E4F1: variants seen among roughly 807,000 people sequenced by gnomAD.
E4F1 encodes the protein E4F transcription factor 1.
E4F1 carries 30 observed loss-of-function variants against 72.9 expected under a neutral mutation model. The observed-to-expected ratio is 0.41, with a 90% CI of 0.31 to 0.56. The LOEUF is 0.56. Ranked by LOEUF, E4F1 falls within the 20% of genes least tolerant of loss-of-function variation. E4F1 has a pLI of 0.25. For missense variants in E4F1, 1,091 were observed against 1,117.5 expected (o/e 0.98, Z 0.34); for synonymous variants, 542 against 478.2 (o/e 1.13, Z -1.74).
chr16:2,223,699 C>T lies in E4F1; in HGVS notation c.86C>T (p.Ala29Val), dbSNP rs560766438. 5 of 1,568,980 alleles carry T rather than the reference C, an allele frequency of 3.2e-6. No individual in the cohort carries two copies. The East Asian group carries it at 7.2e-5, about 23-fold the overall frequency. ...AEAGREAGEG[A>V]VAAVAAALAP... ...GCCGGGCGGGAAGCGGGCGAGGGTG[C>T]AGTTGCGGCGGTGGCGGCGGCCTTG... Residue 29 changes from alanine (A) to valine (V), a missense_variant, in exon 1 of 14, where the codon GCA becomes GTA. Physicochemically the swap from Ala to Val is moderately conservative, Grantham distance 64. Coordinates refer to ENST00000301727, the MANE Select transcript of E4F1 (RefSeq NM_004424.5).
At chr16:2,229,820 G>A (rs1425588700) in intron 3 of E4F1, 145 bp downstream of exon 3, 1 of 798,838 alleles carries the variant, frequency 1.3e-6, no homozygotes, top group Middle Eastern at 2.8e-4. Flanking sequence ...CCTTTCTGCG[G>A]GCACAGCCTG....
At chr16:2,233,837 G>A (rs1167791005) in intron 8 of E4F1, 45 bp from the exon 9 acceptor site, 3 of 1,517,350 alleles carry the variant, frequency 2.0e-6, no homozygotes, top group East Asian at 2.4e-5. Flanking sequence ...TACTGCCAGG[G>A]CACAGCCTGC....
intron 3 of E4F1, 124 bp downstream of exon 3, chr16:2,229,799 C>A: frequency 9.7e-7 from 1 of 1,036,198 alleles, no homozygotes. Context: ...GGGGCCGCGG[C>A]CTCGTGGCAG....
intron 1 of E4F1, among the ~76,000 whole-genome samples, chr16:2,226,879 A>C (rs1269140172): frequency 6.6e-6 from 1 of 152,194 alleles, no homozygotes; most frequent in East Asian, 1.9e-4. Flanking sequence ...TAAAGTCCCA[A>C]GTCAGTGAGC....
intron 8 of E4F1, 71 bp from the exon 9 acceptor site, chr16:2,233,811 A>G: frequency 2.8e-6 from 4 of 1,451,256 alleles, no homozygotes; most frequent in Non-Finnish European, 3.7e-6. Context: ...GGTGGGGCCC[A>G]TGGTTGTGTT....
chr16:2,228,348 C>T, intron 1 of E4F1, 24 bp from the exon 2 acceptor site: 11 of 1,613,390 alleles, frequency 6.8e-6, no homozygotes, highest in Non-Finnish European at 9.3e-6. Context: ...TTCCCAGGCC[C>T]TGCTGACAGC....
intron 7 of E4F1, 43 bp downstream of exon 7, chr16:2,233,226 C>T: frequency 6.4e-7 from 1 of 1,559,332 alleles, no homozygotes; most frequent in East Asian, 2.3e-5. Flanking sequence ...CTGTCTTCTG[C>T]CTGCTCGGTG....
At chr16:2,226,030 T>C (rs2093430463) in intron 1 of E4F1, among the ~76,000 whole-genome samples, 2 of 151,876 alleles carry the variant, frequency 1.3e-5, no homozygotes, top group African/African-American at 2.4e-5. Flanking sequence ...GAGGCAGAGC[T>C]TGCAGTGAGC....
chr16:2,227,879 G>A (rs1427802928), intron 1 of E4F1, among the ~76,000 whole-genome samples: 6 of 142,316 alleles, frequency 4.2e-5, no homozygotes, highest in Middle Eastern at 3.5e-3. Flanking sequence ...GACCAGGCTC[G>A]TCTTGAACTC....
At chr16:2,228,216 T>G in intron 1 of E4F1, 156 bp from the exon 2 acceptor site, 1 of 999,922 alleles carries the variant, frequency 1.0e-6, no homozygotes, top group East Asian at 2.6e-5. Context: ...TGACCTTGTT[T>G]TGGGCCCGAG....
At chr16:2,229,081 G>A (rs550405043) in intron 2 of E4F1, among the ~76,000 whole-genome samples, 16 of 152,356 alleles carry the variant, frequency 1.1e-4, no homozygotes, top group South Asian at 4.1e-4. Flanking sequence ...CCAGTGGGCC[G>A]TGGCCCAGAT....
In E4F1 at chr16:2,223,690, G is replaced by C; in HGVS notation, c.77G>C (p.Gly26Ala). 6.3e-7 allele frequency: 1 copy of C among 1,577,130 alleles called. No individual in the cohort carries two copies. The highest frequency in any genetic ancestry group is 8.5e-7 in the Non-Finnish European group (1 of 1,170,062). ...EAQAEAGREA[G>A]EGAVAAVAAA... ...CAGGCCGAAGCCGGGCGGGAAGCGG[G>C]CGAGGGTGCAGTTGCGGCGGTGGCG... Residue 26 changes from glycine (G) to alanine (A), a missense_variant, in exon 1 of 14, where the codon GGC (glycine) becomes GCC (alanine). Physicochemically the swap from Gly to Ala is moderately conservative, Grantham distance 60. Around this residue, in one of 5 missense-constraint regions of E4F1, gnomAD observed 362 missense variants for 358.6 expected, o/e 1.01. Transcript: ENST00000301727.
intron 1 of E4F1, among the ~76,000 whole-genome samples, chr16:2,227,927 G>A (rs909156479): frequency 6.7e-6 from 1 of 148,770 alleles, no homozygotes; most frequent in Non-Finnish European, 1.5e-5. Flanking sequence ...GCCCCTTAAA[G>A]TGCTGAGATT....
chr16:2,232,708 T>G (rs2093475719), intron 5 of E4F1, 48 bp from the exon 6 acceptor site: 1 of 1,610,504 alleles, frequency 6.2e-7, no homozygotes, highest in East Asian at 2.2e-5. Flanking sequence ...TGTCACCTTG[T>G]CGCCAGCCTG....
rs2093446294 is a variant in E4F1, at chr16:2,228,536, C to G, written c.309+13C>G. 6.2e-7 allele frequency: 1 copy of G among 1,609,792 alleles called. No individual in the cohort carries two copies. The highest frequency in any genetic ancestry group is 2.2e-5 in the East Asian group (1 of 44,770). ...GCTGGGCCAGGAGGTGAGCCCTCAC[C>G]CACTCCCCCATCCCCTCCCGGGTTC... On this transcript the variant is annotated intron_variant, in intron 2 of 13. Transcript: ENST00000301727.
At chr16:2,224,142 G>T (rs1567294540) in intron 1 of E4F1, among the ~76,000 whole-genome samples, 1 of 152,244 alleles carries the variant, frequency 6.6e-6, no homozygotes. Flanking sequence ...TGGGCGTCTA[G>T]GGCCCTGTTG....
rs773481655 is a variant in E4F1, at chr16:2,233,192, G to A, written c.1056+9G>A. 6 of 1,592,776 alleles carry A rather than the reference G, an allele frequency of 3.8e-6. No individual in the cohort carries two copies. Among genetic ancestry groups the A allele is most frequent in the East Asian group, 4.5e-5 (2 of 44,516 alleles). ...AAGCCCTGGCCCCAGAGGTGGGGGC[G>A]ACGGGGGGCCCCGGAGGGCTGCTCT... On this transcript the variant is annotated intron_variant, in intron 7 of 13. Coordinates refer to ENST00000301727, the MANE Select transcript of E4F1 (RefSeq NM_004424.5).
chr16:2,229,496 A>G, intron 2 of E4F1, 74 bp from the exon 3 acceptor site: 1 of 1,488,854 alleles, frequency 6.7e-7, no homozygotes, highest in Non-Finnish European at 9.2e-7. Flanking sequence ...ACACTGGCAG[A>G]GCCCAGGCCT....
chr16:2,232,616 C>T (rs1315418633), intron 5 of E4F1, 40 bp downstream of exon 5: 1 of 1,608,904 alleles, frequency 6.2e-7, no homozygotes, highest in East Asian at 2.2e-5. Flanking sequence ...CGGTAGCACC[C>T]CGATGGTTGG....
Sources: allele counts gnomAD v4.1 joint callset (sites outside exome capture counted in the v4.1 genomes callset), GRCh38; gene constraint gnomAD v4.1.1; regional missense constraint gnomAD v4.1.1; transcripts MANE v1.5; gene names NCBI Gene and HGNC (gene_info 2026-07-23, HGNC 2026-07-21).